ZC3H11A: variants seen among roughly 807,000 people sequenced by gnomAD.
ZC3H11A encodes zinc finger CCCH domain-containing protein 11A.
Under a neutral mutation model 90.8 loss-of-function variants are expected in ZC3H11A, and 22 were observed. The ratio of observed to expected loss-of-function variants is 0.24; its 90% CI spans 0.17 to 0.35. ZC3H11A has a LOEUF of 0.35. ZC3H11A is among the 10% of genes least tolerant of loss of function. The pLI is 1.00. For missense variants in ZC3H11A, 701 were observed against 964.9 expected, an observed-to-expected ratio of 0.73 and a Z score of 3.62; for synonymous variants, 294 against 339.8, an observed-to-expected ratio of 0.87 and a Z score of 1.48.
At chr1:203,804,220 C>T (rs370604818) in intron 2 of ZC3H11A, among the ~76,000 whole-genome samples, 18 of 148,300 alleles carry the variant, frequency 1.2e-4, no homozygotes, top group Admixed American at 3.4e-4. Context: ...GGCGTGATCT[C>T]GATTCACTGC....
chr1:203,829,988 C>T, intron 7 of ZC3H11A, 92 bp downstream of exon 7: 1 of 1,366,326 alleles, frequency 7.3e-7, no homozygotes, highest in South Asian at 1.2e-5. Flanking sequence ...CTTCTTTTTC[C>T]CATGCTACAC....
chr1:203,799,062 G>T, intron 1 of ZC3H11A: 19 of 1,536,084 alleles, frequency 1.2e-5, no homozygotes, highest in Non-Finnish European at 1.6e-5. Context: ...TCTCAATAAT[G>T]GCAGGATCCC....
intron 4 of ZC3H11A, among the ~76,000 whole-genome samples, chr1:203,825,736 T>C (rs565010995): frequency 6.6e-6 from 1 of 152,208 alleles, no homozygotes; most frequent in African/African-American, 2.4e-5. Flanking sequence ...GTGGAGGATA[T>C]TACTAAGGAA....
rs973165307 is a variant in ZC3H11A, at chr1:203,842,316, A to C, written c.1042+1942A>C. Among the ~76,000 whole-genome samples, 5 of 152,182 alleles carry C rather than the reference A, an allele frequency of 3.3e-5. 1 individual carries two copies. The East Asian group carries it at 5.8e-4, about 18-fold the overall frequency. ...CACTCCAGCCTGGGCAACATTGAGC[A>C]CTGAGTGAGCGAGACTCCGTCTGCA... On this transcript the variant is annotated intron_variant, in intron 12 of 17. Transcript: ENST00000367210.
intron 10 of ZC3H11A, among the ~76,000 whole-genome samples, chr1:203,836,225 A>T (rs1684276496): frequency 6.6e-6 from 1 of 152,224 alleles, no homozygotes; most frequent in African/African-American, 2.4e-5. Flanking sequence ...TCTAAAAATA[A>T]TAATTAAAAG....
At chr1:203,801,321 A>G (rs1472126731) in intron 1 of ZC3H11A, 1 of 152,190 alleles carries the variant, frequency 6.6e-6, no homozygotes, top group African/African-American at 2.4e-5. Flanking sequence ...ATGACCCATT[A>G]TACTGTATTA....
At chr1:203,804,628 A>G (rs917551610) in intron 2 of ZC3H11A, among the ~76,000 whole-genome samples, 1 of 149,862 alleles carries the variant, frequency 6.7e-6, no homozygotes, top group Non-Finnish European at 1.5e-5. Context: ...TCTAGTTTGC[A>G]AGCATGTAAT....
rs763615124 is a variant in ZC3H11A, at chr1:203,835,857, C to T, written c.874+2004C>T. ...AAAAGCTATGTGCTCCCTTTTTTTC[C>T]GGAGACCCCACTTATAGCCAGCAAA... On this transcript the variant is annotated intron_variant, in intron 10 of 17. Transcript: ENST00000367210. The T allele has an allele frequency of 4.2e-4, 101 of 240,630 alleles. 1 individual carries two copies. The highest frequency in any genetic ancestry group is 8.0e-4 in the Admixed American group (18 of 22,620). 14.9% of individuals were successfully genotyped at this position (240,630 alleles called of 1,614,324 possible).
chr1:203,827,639 G>A (rs918582769), intron 4 of ZC3H11A, among the ~76,000 whole-genome samples: 1 of 150,154 alleles, frequency 6.7e-6, no homozygotes, highest in African/African-American at 2.5e-5. Flanking sequence ...CGGAGATCGC[G>A]CCACTGCACT....
chr1:203,828,174 A>T, intron 4 of ZC3H11A, 125 bp from the exon 5 acceptor site: 1 of 1,077,016 alleles, frequency 9.3e-7, no homozygotes, highest in Non-Finnish European at 1.3e-6. Flanking sequence ...TCCTTCTAAA[A>T]ATCATCTCAT....
intron 8 of ZC3H11A, among the ~76,000 whole-genome samples, 186 bp from the exon 9 acceptor site, chr1:203,831,475 A>G (rs889116655): frequency 3.3e-5 from 5 of 152,178 alleles, no homozygotes; most frequent in African/African-American, 7.2e-5. Flanking sequence ...TTTTCACATC[A>G]TGCCCAAGGC....
intron 12 of ZC3H11A, among the ~76,000 whole-genome samples, chr1:203,841,186 C>CT (rs1240790847): frequency 1.6e-5 from 2 of 128,594 alleles, no homozygotes; most frequent in Admixed American, 8.3e-5. Flanking sequence ...ATTGATCATT[C>CT]TTGGGTGTTT....
intron 5 of ZC3H11A, 76 bp downstream of exon 5, chr1:203,828,498 A>T: frequency 6.7e-7 from 1 of 1,501,930 alleles, no homozygotes; most frequent in South Asian, 1.2e-5. Flanking sequence ...TACTTTTCAG[A>T]CATTGACTCC....
At chr1:203,822,663 A>C (rs899776955) in intron 4 of ZC3H11A, among the ~76,000 whole-genome samples, 1 of 152,166 alleles carries the variant, frequency 6.6e-6, no homozygotes, top group Non-Finnish European at 1.5e-5. Context: ...TCTCTTCTGC[A>C]CAGAGACATT....
At chr1:203,815,360 A>T (rs78275576) in intron 2 of ZC3H11A, among the ~76,000 whole-genome samples, 26,610 of 134,558 alleles carry the variant, frequency 0.2, 2,965 homozygotes, top group East Asian at 0.46. Context: ...GGATCACAGG[A>T]GTGTGCCACC....
chr1:203,797,401 G>A, intron 1 of ZC3H11A: 1 of 957,234 alleles, frequency 1.0e-6, no homozygotes, highest in Non-Finnish European at 1.5e-6. Flanking sequence ...GGTCCAGTGG[G>A]AATTTGATTC....
chr1:203,798,714 GAAAC>G, intron 1 of ZC3H11A: 1 of 1,536,122 alleles, frequency 6.5e-7, no homozygotes. Context: ...GCAGGAGAGA[GAAAC>G]AACATGTTGT....
chr1:203,822,563 G>T (rs185990523), intron 4 of ZC3H11A, among the ~76,000 whole-genome samples: 25 of 152,042 alleles, frequency 1.6e-4, no homozygotes, highest in African/African-American at 5.8e-4. Context: ...GGTTCCCTTG[G>T]GAATACCCTG....
At chr1:203,820,106 G>A (rs1380727719) in intron 4 of ZC3H11A, among the ~76,000 whole-genome samples, 2 of 151,772 alleles carry the variant, frequency 1.3e-5, no homozygotes, top group South Asian at 4.2e-4. Context: ...GTGGTGGCAC[G>A]CGTCTGTAAT....
Sources: allele counts gnomAD v4.1 joint callset (sites outside exome capture counted in the v4.1 genomes callset), GRCh38; gene constraint gnomAD v4.1.1; transcripts MANE v1.5; gene names NCBI Gene and HGNC (gene_info 2026-07-23, HGNC 2026-07-21).